NRXN1: variants seen among roughly 807,000 people sequenced by gnomAD.
NRXN1 encodes the protein neurexin-1.
In NRXN1, 39 loss-of-function variants were observed where a neutral mutation model predicts 150.9. The ratio of observed to expected loss-of-function variants is 0.26; its 90% confidence interval spans 0.20 to 0.34. The LOEUF (loss-of-function observed/expected upper bound fraction) is 0.34, where lower values mean the gene tolerates loss of function less well. NRXN1 is among the 10% of genes least tolerant of loss of function. The pLI is 1.00. For synonymous variants in NRXN1, 924 were observed against 757.0 expected (o/e 1.22, Z -3.62); for missense variants, 1,815 against 1,949.9 (o/e 0.93, Z 1.30).
intron 17 of NRXN1, among the ~76,000 whole-genome samples, chr2:50,456,284 C>T (rs576696732): frequency 2.0e-5 from 3 of 152,162 alleles, no homozygotes; most frequent in African/African-American, 7.2e-5. Context: ...TCACCAAATC[C>T]TGGGGAGATT....
intron 21 of NRXN1, among the ~76,000 whole-genome samples, chr2:49,961,850 C>T (rs556322327): frequency 2.0e-5 from 3 of 152,198 alleles, no homozygotes; most frequent in Non-Finnish European, 2.9e-5. Context: ...GGTGTGACAC[C>T]GCAGTTCCCA....
intron 2 of NRXN1, among the ~76,000 whole-genome samples, chr2:51,020,686 T>C (rs1328827833): frequency 6.6e-6 from 1 of 151,942 alleles, no homozygotes; most frequent in African/African-American, 2.4e-5. Flanking sequence ...GATTAGGTGG[T>C]TTCCCAATTC....
At chr2:50,165,509 T>C (rs895835434) in intron 18 of NRXN1, among the ~76,000 whole-genome samples, 2 of 152,214 alleles carry the variant, frequency 1.3e-5, no homozygotes, top group Middle Eastern at 3.4e-3. Context: ...CCACCACGTC[T>C]GGCTAACTTT....
At position 50,347,172 on chromosome 2, in the gene NRXN1, C is replaced by A; in HGVS notation, c.3365-110202G>T. 1 of 1,363,998 alleles carries A rather than the reference C, an allele frequency of 7.3e-7. No homozygotes were observed. The highest frequency in any genetic ancestry group is 9.6e-7 in the Non-Finnish European group (1 of 1,038,548). 84.5% of individuals were successfully genotyped at this position (1,363,998 alleles called of 1,614,324 possible). On this transcript the variant is annotated intron_variant, in intron 17 of 22. Transcript: ENST00000401669. This position sits in a 1 kb window ranked among gnomAD's most constrained non-coding sequence, Gnocchi z 4.9. Reference sequence around the variant, plus strand: ...ATCCGAAACATAGCCGAGGCGAATGCAGCTGGAGAGGGGCTTGTCCGGAAA... The same window carrying A: ...ATCCGAAACATAGCCGAGGCGAATGAAGCTGGAGAGGGGCTTGTCCGGAAA...
At chr2:50,767,763 A>C (rs959392126) in intron 5 of NRXN1, among the ~76,000 whole-genome samples, 2 of 152,108 alleles carry the variant, frequency 1.3e-5, no homozygotes, top group African/African-American at 4.8e-5. Flanking sequence ...TATGTTACCA[A>C]TGCATTTTAA....
At chr2:50,236,123 C>T (rs1342403350) in intron 18 of NRXN1, among the ~76,000 whole-genome samples, 3 of 152,014 alleles carry the variant, frequency 2.0e-5, no homozygotes, top group African/African-American at 7.2e-5. Context: ...GTTTTTCATT[C>T]ATGACTATTC....
At chr2:50,371,478 T>C (rs1456406216) in intron 17 of NRXN1, among the ~76,000 whole-genome samples, 2 of 152,090 alleles carry the variant, frequency 1.3e-5, no homozygotes, top group Non-Finnish European at 2.9e-5. Flanking sequence ...GAAAGACCTA[T>C]ATACATTAAA....
Position 50,120,586 on chromosome 2 carries a change from T to A in NRXN1, c.3547-29092A>T, listed in dbSNP as rs574760142. On this transcript the variant is annotated intron_variant, in intron 18 of 22. Transcript: ENST00000401669. ...CAGGAAATGAAAGTACAAACATCCA[T>A]TCCCACAGTCTTAGATTGTTGTTTA... 2.0e-5 allele frequency among the ~76,000 whole-genome samples: 3 copies of A among 152,294 alleles called. No individual in the cohort carries two copies. In the East Asian group the frequency reaches 5.8e-4, roughly 29 times the overall value.
At chr2:50,592,992 T>C (rs1249407341) in intron 8 of NRXN1, among the ~76,000 whole-genome samples, 1 of 152,184 alleles carries the variant, frequency 6.6e-6, no homozygotes, top group African/African-American at 2.4e-5. Context: ...TGATCAATAA[T>C]TACTACTCTA....
intron 19 of NRXN1, among the ~76,000 whole-genome samples, chr2:50,059,355 C>G (rs6720724): frequency 6.6e-6 from 1 of 152,116 alleles, no homozygotes; most frequent in African/African-American, 2.4e-5. Flanking sequence ...GTGTTCAAGA[C>G]GTGACTTGTG....
chr2:49,939,909 AT>A (rs1671681548), intron 22 of NRXN1, among the ~76,000 whole-genome samples: 1 of 152,206 alleles, frequency 6.6e-6, no homozygotes, highest in Admixed American at 6.5e-5. Context: ...CCCACCAAAT[AT>A]ATAACTTCCC....
At chr2:49,932,723 A>G (rs1315673054) in intron 22 of NRXN1, among the ~76,000 whole-genome samples, 3 of 152,056 alleles carry the variant, frequency 2.0e-5, no homozygotes, top group Non-Finnish European at 4.4e-5. Context: ...TAACATCTAT[A>G]TTTTGTTTCT....
At chr2:50,249,704 C>G (rs1335462663) in intron 17 of NRXN1, among the ~76,000 whole-genome samples, 16 of 151,092 alleles carry the variant, frequency 1.1e-4, no homozygotes, top group Non-Finnish European at 2.4e-4. Context: ...ATGGTGTGAT[C>G]TCAGCTCACT....
intron 22 of NRXN1, among the ~76,000 whole-genome samples, chr2:49,930,191 G>T (rs1572897251): frequency 1.3e-5 from 2 of 152,090 alleles, no homozygotes. Context: ...TTTCAAGGTG[G>T]ACATGAAATT....
At chr2:50,468,951 A>G (rs1163342606) in intron 16 of NRXN1, among the ~76,000 whole-genome samples, 1 of 151,646 alleles carries the variant, frequency 6.6e-6, no homozygotes, top group African/African-American at 2.4e-5. Flanking sequence ...TTGTACAAAA[A>G]GAGCATCTAT....
intron 18 of NRXN1, among the ~76,000 whole-genome samples, chr2:50,144,763 T>C (rs2152764073): frequency 6.6e-6 from 1 of 151,964 alleles, no homozygotes; most frequent in Admixed American, 6.6e-5. Context: ...TTTCTGTTAC[T>C]AGAAATTATT....
chr2:49,984,107 C>T (rs939745460), intron 21 of NRXN1, among the ~76,000 whole-genome samples: 3 of 151,960 alleles, frequency 2.0e-5, no homozygotes, highest in Non-Finnish European at 4.4e-5. Flanking sequence ...GCTGAGGCTG[C>T]AGTGAGCTGT....
intron 5 of NRXN1, among the ~76,000 whole-genome samples, chr2:50,803,518 A>T (rs1350195139): frequency 6.6e-6 from 1 of 152,202 alleles, no homozygotes; most frequent in African/African-American, 2.4e-5. Flanking sequence ...TGCATTTTCA[A>T]TGTATAAATC....
intron 8 of NRXN1, among the ~76,000 whole-genome samples, chr2:50,561,421 G>A (rs575715350): frequency 6.6e-6 from 1 of 152,304 alleles, no homozygotes; most frequent in African/African-American, 2.4e-5. Flanking sequence ...AATACAAACT[G>A]CAAACTTGAT....
Sources: gnomAD v4.1 joint callset for allele counts (sites outside exome capture counted in the v4.1 genomes callset) on GRCh38, gnomAD v4.1.1 for gene constraint, Gnocchi (gnomAD v3.1) non-coding constraint, MANE v1.5 for transcripts, NCBI Gene and HGNC (gene_info 2026-07-23, HGNC 2026-07-21) for gene names.